The following KAT2B variants were observed in gnomAD, a reference collection of about 807,000 sequenced individuals.
KAT2B encodes histone acetyltransferase KAT2B.
A neutral mutation model predicts 105.9 loss-of-function variants in KAT2B; 36 were observed. The observed-to-expected ratio is 0.34, with a 90% CI of 0.26 to 0.45. The LOEUF is 0.45. Ranked by LOEUF, KAT2B falls within the 20% of genes least tolerant of loss-of-function variation. The pLI is 1.00. For missense variants in KAT2B, 820 were observed against 1,021.6 expected (o/e 0.80, Z 2.69); for synonymous variants, 397 against 377.9 (o/e 1.05, Z -0.59).
chr3:20,126,651 C>T (rs1445039363), intron 10 of KAT2B, among the ~76,000 whole-genome samples: 1 of 151,616 alleles, frequency 6.6e-6, no homozygotes, highest in Non-Finnish European at 1.5e-5. Flanking sequence ...GGAGAAACCC[C>T]GTCTCTACTA....
chr3:20,130,818 A>T (rs1699495760), intron 11 of KAT2B, among the ~76,000 whole-genome samples: 1 of 151,972 alleles, frequency 6.6e-6, no homozygotes, highest in Admixed American at 6.6e-5. Context: ...GATAATGAAG[A>T]TTAGTCTTTC....
intron 5 of KAT2B, among the ~76,000 whole-genome samples, chr3:20,105,800 GAA>G (rs35102951): frequency 9.5e-5 from 9 of 94,394 alleles, no homozygotes; most frequent in Non-Finnish European, 1.0e-4. Context: ...GACCCTGTCT[GAA>G]AAAAAAAAAA....
At chr3:20,091,673 G>A (rs1326328055) in intron 2 of KAT2B, among the ~76,000 whole-genome samples, 2 of 152,024 alleles carry the variant, frequency 1.3e-5, no homozygotes, top group Non-Finnish European at 2.9e-5. Flanking sequence ...CATTTTGTAA[G>A]TTTTGGTATA....
chr3:20,066,893 T>A (rs902101121), intron 1 of KAT2B, among the ~76,000 whole-genome samples: 3 of 152,192 alleles, frequency 2.0e-5, no homozygotes, highest in Non-Finnish European at 4.4e-5. Flanking sequence ...TAATACGAAG[T>A]CTTTGAAATT....
intron 1 of KAT2B, among the ~76,000 whole-genome samples, chr3:20,062,113 A>G (rs1434846729): frequency 9.9e-6 from 1 of 100,580 alleles, no homozygotes; most frequent in Non-Finnish European, 1.7e-5. Flanking sequence ...AATATATATT[A>G]TATAAAACAT....
intron 10 of KAT2B, among the ~76,000 whole-genome samples, chr3:20,126,339 TTGCTGATGACTCTCCTG>T (rs904475678): frequency 3.3e-5 from 5 of 152,160 alleles, no homozygotes; most frequent in African/African-American, 1.2e-4. Context: ...ATATTTTACA[TTGCTGATGACTCTCCTG>T]TGCTTCATTC....
chr3:20,045,308 G>A (rs180889507), intron 1 of KAT2B, among the ~76,000 whole-genome samples: 1 of 149,678 alleles, frequency 6.7e-6, no homozygotes, highest in African/African-American at 2.5e-5. Flanking sequence ...GTGAGCCACT[G>A]CACCTGGCCT....
chr3:20,067,663 A>C (rs13095743), intron 1 of KAT2B, among the ~76,000 whole-genome samples: 26,814 of 151,932 alleles, frequency 0.18, 3,092 homozygotes, highest in Non-Finnish European at 0.26. Flanking sequence ...TTCTTTCTTT[A>C]TTTATTTTTT....
intron 11 of KAT2B, among the ~76,000 whole-genome samples, chr3:20,131,860 A>G (rs374464691): frequency 1.4e-4 from 22 of 152,326 alleles, no homozygotes; most frequent in African/African-American, 5.3e-4. Flanking sequence ...CATTGTGCCC[A>G]ACCATAAACA....
intron 2 of KAT2B, among the ~76,000 whole-genome samples, chr3:20,091,583 G>A (rs1181667234): frequency 6.7e-6 from 1 of 148,282 alleles, no homozygotes; most frequent in African/African-American, 2.4e-5. Context: ...GTAACATTAG[G>A]TTGTTCATTT....
chr3:20,148,284 A>G lies in KAT2B; in HGVS notation c.2198A>G (p.Lys733Arg). Reference sequence around the variant, plus strand: ...CCTGACCAGCTTTACAGCACGCTCAAGAGCATCCTCCAGCAGGTGAAGGTG... The same window carrying G: ...CCTGACCAGCTTTACAGCACGCTCAGGAGCATCCTCCAGCAGGTGAAGGTG... The part of the protein sequence containing the change: ...RDPDQLYSTL[K>R]SILQQVKSHQ... The change falls in exon 16 of 18, where the codon AAG becomes AGG. Residue 733 changes from lysine to arginine, a missense_variant. By Grantham distance (26) the Lys-to-Arg change is conservative. Coordinates refer to ENST00000263754, the MANE Select transcript of KAT2B (RefSeq NM_003884.5). 1 of 1,614,130 alleles carries G rather than the reference A, an allele frequency of 6.2e-7. No homozygotes were observed. Among genetic ancestry groups the G allele is most frequent in the Non-Finnish European group, 8.5e-7 (1 of 1,179,978 alleles).
chr3:20,153,179 A>G lies in KAT2B; in HGVS notation c.*654A>G, dbSNP rs1699897740. The G allele has an allele frequency of 6.6e-6, 1 of 152,580 alleles. No homozygotes were observed. Among genetic ancestry groups the G allele is most frequent in the African/African-American group, 2.4e-5 (1 of 41,470 alleles). The allele number at this position is 152,580 out of a possible 1,614,324, so 9.5% of individuals were successfully genotyped here. A position where few individuals can be genotyped will look rare whatever the true frequency, so the allele number is the denominator to read the frequency against. On this transcript the variant is annotated 3_prime_UTR_variant, in exon 18 of 18. Coordinates refer to ENST00000263754, the MANE Select transcript of KAT2B (RefSeq NM_003884.5). ...AAAATAAGCATCTAGGTTTTTGATA[A>G]TTCTGTCTACTTACAACAAACTTGT... is the stretch of plus-strand genomic sequence containing the variant.
intron 11 of KAT2B, 89 bp from the exon 12 acceptor site, chr3:20,136,853 C>G: frequency 1.6e-6 from 1 of 632,742 alleles, no homozygotes. Context: ...AAAGTACAAA[C>G]TTCTGAATTC....
chr3:20,068,361 G>A (rs773292852), intron 1 of KAT2B, among the ~76,000 whole-genome samples: 8 of 150,676 alleles, frequency 5.3e-5, no homozygotes, highest in Non-Finnish European at 1.0e-4. Context: ...TTTACTTTCT[G>A]TTGAGCAAGC....
At chr3:20,150,636 T>C (rs910986471) in intron 17 of KAT2B, among the ~76,000 whole-genome samples, 10 of 152,172 alleles carry the variant, frequency 6.6e-5, no homozygotes, top group African/African-American at 2.4e-4. Flanking sequence ...CCTCATTTTG[T>C]CAATTGAAAA....
At chr3:20,063,295 G>A (rs1698168254) in intron 1 of KAT2B, among the ~76,000 whole-genome samples, 1 of 151,246 alleles carries the variant, frequency 6.6e-6, no homozygotes, top group Admixed American at 6.7e-5. Context: ...TTGAACTCCT[G>A]ACCTTCCCAG....
At chr3:20,049,236 T>C (rs567205894) in intron 1 of KAT2B, among the ~76,000 whole-genome samples, 1 of 152,280 alleles carries the variant, frequency 6.6e-6, no homozygotes, top group East Asian at 1.9e-4. Flanking sequence ...ATTGACTTAT[T>C]GTGAAGATTA....
chr3:20,127,166 A>G lies in KAT2B; in HGVS notation c.1623-257A>G, dbSNP rs148522136. ...CACCTCTGCACATACTCTGTTCTCT[A>G]TTTGTAAACCTCAGGCACTTCTTAG... On this transcript the variant is annotated intron_variant, in intron 10 of 17. Coordinates refer to ENST00000263754, the MANE Select transcript of KAT2B (RefSeq NM_003884.5). Among the ~76,000 whole-genome samples the G allele has an allele frequency of 9.2e-5, 14 of 152,102 alleles. 1 individual carries two copies. Among genetic ancestry groups the G allele is most frequent in the Middle Eastern group, 6.8e-3 (2 of 294 alleles).
At chr3:20,077,947 G>A (rs560490035) in intron 2 of KAT2B, among the ~76,000 whole-genome samples, 7 of 152,306 alleles carry the variant, frequency 4.6e-5, no homozygotes, top group Admixed American at 4.6e-4. Context: ...GGCTGAGGCA[G>A]GTGGATTGTT....
Sources: gnomAD v4.1 joint callset for allele counts (sites outside exome capture counted in the v4.1 genomes callset) on GRCh38, gnomAD v4.1.1 for gene constraint, MANE v1.5 for transcripts, NCBI Gene and HGNC (gene_info 2026-07-23, HGNC 2026-07-21) for gene names.